Variants in ATG10 observed in about 807,000 individuals in gnomAD.
The protein encoded by ATG10 is ubiquitin-like-conjugating enzyme ATG10.
In ATG10, 30 loss-of-function variants were observed where a neutral mutation model predicts 32.1. The observed-to-expected ratio is 0.94, with a 90% CI of 0.70 to 1.27. The LOEUF is 1.27. Ranked by LOEUF, ATG10 falls within the 50% of genes most tolerant of loss-of-function variation. ATG10 has a pLI of 0.00. For synonymous variants in ATG10, 87 were observed against 91.5 expected (o/e 0.95, Z 0.28); for missense variants, 233 against 262.3 (o/e 0.89, Z 0.77).
At chr5:82,107,466 T>C (rs73134756) in intron 3 of ATG10, among the ~76,000 whole-genome samples, 8,293 of 152,158 alleles carry the variant, frequency 0.055, 241 homozygotes, top group Middle Eastern at 0.099. Context: ...TTAAGTTGCT[T>C]CTGCAAAGCC....
chr5:82,082,184 A>G (rs964779248), intron 3 of ATG10, among the ~76,000 whole-genome samples: 1 of 152,152 alleles, frequency 6.6e-6, no homozygotes, highest in Non-Finnish European at 1.5e-5. Context: ...CATTTCAGCA[A>G]TCATTCAGTT....
chr5:82,139,589 G>T (rs1349010496), intron 3 of ATG10, among the ~76,000 whole-genome samples: 4 of 148,680 alleles, frequency 2.7e-5, no homozygotes, highest in African/African-American at 9.9e-5. Flanking sequence ...TGAGAAGTGA[G>T]GAGCCTCTCC....
intron 7 of ATG10, among the ~76,000 whole-genome samples, chr5:82,253,785 C>T (rs1747357872): frequency 6.6e-6 from 1 of 152,162 alleles, no homozygotes; most frequent in African/African-American, 2.4e-5. Flanking sequence ...AGGTTGCGCG[C>T]TCCTTATGAG....
At chr5:82,236,959 G>A (rs1746578359) in intron 5 of ATG10, among the ~76,000 whole-genome samples, 1 of 151,958 alleles carries the variant, frequency 6.6e-6, no homozygotes, top group Non-Finnish European at 1.5e-5. Context: ...ATATACCTAT[G>A]AGAGATGGAA....
chr5:82,044,805 T>C (rs1763188423), intron 2 of ATG10, among the ~76,000 whole-genome samples: 1 of 152,208 alleles, frequency 6.6e-6, no homozygotes, highest in South Asian at 2.1e-4. Context: ...TTGTGCTGCA[T>C]ACTTATTTTT....
At chr5:82,081,719 T>C (rs1271777007) in intron 3 of ATG10, among the ~76,000 whole-genome samples, 2 of 152,194 alleles carry the variant, frequency 1.3e-5, no homozygotes, top group Non-Finnish European at 2.9e-5. Flanking sequence ...CACTTGATCA[T>C]GGTGGATAAG....
rs550448739 is a variant in ATG10 at position 82,096,443 on chromosome 5, A to T, written c.216+37841A>T. Among the ~76,000 whole-genome samples, 172 of 152,268 alleles carry T rather than the reference A, an allele frequency of 1.1e-3. 1 individual carries two copies. The highest frequency in any genetic ancestry group is 2.2e-3 in the Admixed American group (34 of 15,292). On this transcript the variant is annotated intron_variant, in intron 3 of 7. Coordinates refer to ENST00000282185, the MANE Select transcript of ATG10 (RefSeq NM_031482.5). ...CTGAATATTGCTGTTTCAGCCTCAC[A>T]ATCTTTTCCAGTCATAGTATCAATA... is the stretch of plus-strand genomic sequence containing the variant.
At chr5:82,070,285 T>C (rs573956214) in intron 3 of ATG10, among the ~76,000 whole-genome samples, 2 of 152,290 alleles carry the variant, frequency 1.3e-5, no homozygotes, top group South Asian at 4.1e-4. Flanking sequence ...ATTGCTCAAC[T>C]TTAGCTTATT....
chr5:82,209,251 A>T (rs1745408424), intron 5 of ATG10, among the ~76,000 whole-genome samples: 2 of 152,012 alleles, frequency 1.3e-5, no homozygotes, highest in Non-Finnish European at 2.9e-5. Flanking sequence ...TTTAATATTA[A>T]CTTCATGGTT....
At chr5:82,165,728 A>G (rs939300123) in intron 4 of ATG10, among the ~76,000 whole-genome samples, 4 of 152,212 alleles carry the variant, frequency 2.6e-5, no homozygotes, top group African/African-American at 9.6e-5. Flanking sequence ...TTTGGTTTGG[A>G]GCCCAGAGGT....
chr5:82,044,777 C>T (rs1763188058), intron 2 of ATG10, among the ~76,000 whole-genome samples: 2 of 152,110 alleles, frequency 1.3e-5, no homozygotes, highest in Admixed American at 1.3e-4. Flanking sequence ...ATTCCTAGCC[C>T]TATGTGCATT....
chr5:82,194,608 C>T (rs1202408936), intron 5 of ATG10, among the ~76,000 whole-genome samples: 1 of 152,148 alleles, frequency 6.6e-6, no homozygotes, highest in Admixed American at 6.6e-5. Flanking sequence ...CCTACCTTTT[C>T]ATCTGCTAAA....
chr5:82,171,066 G>C (rs1034466469), intron 4 of ATG10, among the ~76,000 whole-genome samples: 9 of 152,184 alleles, frequency 5.9e-5, no homozygotes, highest in Non-Finnish European at 1.0e-4. Context: ...GATGTCTCAG[G>C]TATCTTGTGG....
At chr5:82,097,071 G>A (rs372279844) in intron 3 of ATG10, among the ~76,000 whole-genome samples, 6 of 151,990 alleles carry the variant, frequency 3.9e-5, no homozygotes, top group African/African-American at 9.7e-5. Flanking sequence ...ATTATGGTTC[G>A]TTATATCTAA....
chr5:82,119,984 T>TTGTGTGTGTG (rs5869106), intron 3 of ATG10, among the ~76,000 whole-genome samples: 19 of 148,200 alleles, frequency 1.3e-4, no homozygotes, highest in Non-Finnish European at 2.5e-4. Flanking sequence ...CCACCATTTA[T>TTGTGTGTGTG]TGTGTGTGTG....
intron 2 of ATG10, among the ~76,000 whole-genome samples, chr5:82,024,940 C>G (rs1339776844): frequency 1.3e-5 from 2 of 152,186 alleles, no homozygotes; most frequent in African/African-American, 4.8e-5. Flanking sequence ...ATTTTAAAAA[C>G]TGGGACAGGT....
intron 5 of ATG10, among the ~76,000 whole-genome samples, chr5:82,182,736 C>T (rs1744281907): frequency 6.6e-6 from 1 of 152,050 alleles, no homozygotes. Context: ...AGGGAAATGG[C>T]TGTGGCTATT....
At chr5:82,037,278 C>T (rs1466494983) in intron 2 of ATG10, among the ~76,000 whole-genome samples, 26 of 84,668 alleles carry the variant, frequency 3.1e-4, no homozygotes, top group African/African-American at 8.8e-4. Context: ...GACGGAGTCT[C>T]GCTCTGTCGC....
intron 5 of ATG10, among the ~76,000 whole-genome samples, chr5:82,245,879 G>A (rs531066823): frequency 1.5e-4 from 23 of 152,296 alleles, no homozygotes; most frequent in Admixed American, 1.4e-3. Context: ...AAAGCATTGA[G>A]TGTTGAAGCA....
Sources: allele counts gnomAD v4.1 joint callset (sites outside exome capture counted in the v4.1 genomes callset), GRCh38; gene constraint gnomAD v4.1.1; transcripts MANE v1.5; gene names NCBI Gene and HGNC (gene_info 2026-07-23, HGNC 2026-07-21).